Variants in ELP4 observed in about 807,000 individuals in gnomAD.
ELP4 encodes the protein elongator acetyltransferase complex subunit 4.
Under a neutral mutation model 48.9 loss-of-function variants are expected in ELP4, and 51 were observed. The ratio of observed to expected loss-of-function variants is 1.04; its 90% confidence interval spans 0.83 to 1.32. The LOEUF is 1.32. ELP4 is among the 40% of genes most tolerant of loss of function. ELP4 has a pLI of 0.00. For synonymous variants in ELP4, 210 were observed against 189.2 expected (o/e 1.11, Z -0.90); for missense variants, 519 against 514.6 (o/e 1.01, Z -0.08).
chr11:31,548,392 C>A (rs1032451728), intron 3 of ELP4, among the ~76,000 whole-genome samples: 1 of 151,032 alleles, frequency 6.6e-6, no homozygotes, highest in African/African-American at 2.4e-5. Flanking sequence ...ACAATTGCTT[C>A]AAAGAGAATA....
chr11:31,537,886 A>G (rs1260499580), intron 2 of ELP4, among the ~76,000 whole-genome samples: 1 of 152,190 alleles, frequency 6.6e-6, no homozygotes, highest in Non-Finnish European at 1.5e-5. Flanking sequence ...TGTAAATTTT[A>G]GAATTACCTT....
chr11:31,566,038 A>G (rs184466588), intron 3 of ELP4, among the ~76,000 whole-genome samples: 6 of 151,828 alleles, frequency 4.0e-5, no homozygotes, highest in Non-Finnish European at 1.5e-5. Context: ...TTGTGTTAAG[A>G]TTCATTTTCT....
At chr11:31,565,288 A>G (rs1389700678) in intron 3 of ELP4, among the ~76,000 whole-genome samples, 1 of 152,008 alleles carries the variant, frequency 6.6e-6, no homozygotes, top group African/African-American at 2.4e-5. Context: ...TTGTCAGATG[A>G]GTAGATTGCA....
At chr11:31,623,390 T>TATATATAAATATATATATAA (rs67986763) in intron 5 of ELP4, among the ~76,000 whole-genome samples, 58 of 92,576 alleles carry the variant, frequency 6.3e-4, no homozygotes, top group African/African-American at 1.3e-3. Context: ...TATATATATA[T>TATATATAAATATATATATAA]AAAACTAGAA....
rs1243902683 is a variant in ELP4, at chr11:31,719,869, A to G, written c.1144-63524A>G. 3 of 174,736 alleles carry G rather than the reference A, an allele frequency of 1.7e-5. No homozygotes were observed. The South Asian group carries it at 6.0e-4, about 35-fold the overall frequency. The allele number at this position is 174,736 out of a possible 1,614,324, so 10.8% of individuals were successfully genotyped here. A position where few individuals can be genotyped will look rare whatever the true frequency, so the allele number is the denominator to read the frequency against. On this transcript the variant is annotated intron_variant, in intron 9 of 9. Coordinates refer to ENST00000640961, the MANE Select transcript of ELP4 (RefSeq NM_019040.5). Reference sequence around the variant, plus strand: ...TAGAGAGGTGAAAAAGCAAGTGTAGAGAACGGTTACTTGTACAACCTAAGT... The same window carrying G: ...TAGAGAGGTGAAAAAGCAAGTGTAGGGAACGGTTACTTGTACAACCTAAGT...
intron 3 of ELP4, among the ~76,000 whole-genome samples, chr11:31,563,458 T>G (rs568540563): frequency 2.6e-5 from 4 of 152,118 alleles, no homozygotes; most frequent in Non-Finnish European, 5.9e-5. Flanking sequence ...AGAAAGAGCT[T>G]GGAATGAAAC....
chr11:31,537,088 T>C (rs866365107), intron 2 of ELP4, among the ~76,000 whole-genome samples: 2 of 152,190 alleles, frequency 1.3e-5, no homozygotes, highest in Admixed American at 6.5e-5. Context: ...CTTCTAATAG[T>C]TTTAATTATT....
chr11:31,762,449 T>G (rs1380397989), intron 9 of ELP4, among the ~76,000 whole-genome samples: 1 of 152,094 alleles, frequency 6.6e-6, no homozygotes, highest in East Asian at 1.9e-4. Flanking sequence ...AAATGTAAAT[T>G]TTTAAATTTT....
At chr11:31,755,324 G>C (rs2134245132) in intron 9 of ELP4, among the ~76,000 whole-genome samples, 1 of 152,272 alleles carries the variant, frequency 6.6e-6, no homozygotes, top group South Asian at 2.1e-4. Flanking sequence ...TTGCAGACAA[G>C]ATTCCTCAAA....
rs1472216150 is a variant in ELP4, at chr11:31,788,477, C to G, written c.*4953C>G. ...GGAGGGAGACAGAAAAGGGAGAGGG[C>G]CTATTTGAAAAAGGCAACAGCTTTC... On this transcript the variant is annotated 3_prime_UTR_variant, in exon 10 of 10. Coordinates refer to ENST00000640961, the MANE Select transcript of ELP4 (RefSeq NM_019040.5). 4.5e-6 allele frequency: 1 copy of G among 223,450 alleles called. No individual in the cohort carries two copies. Among genetic ancestry groups the G allele is most frequent in the Non-Finnish European group, 8.9e-6 (1 of 111,954 alleles). 13.8% of individuals were successfully genotyped at this position (223,450 alleles called of 1,614,324 possible). A position where few individuals can be genotyped will look rare whatever the true frequency, so the allele number is the denominator to read the frequency against.
chr11:31,764,167 G>A (rs974167268), intron 9 of ELP4, among the ~76,000 whole-genome samples: 3 of 152,090 alleles, frequency 2.0e-5, no homozygotes, highest in African/African-American at 7.2e-5. Context: ...ACAATATTGC[G>A]ATAATGTCTA....
At chr11:31,605,983 T>G (rs1957867971) in intron 5 of ELP4, among the ~76,000 whole-genome samples, 1 of 151,976 alleles carries the variant, frequency 6.6e-6, no homozygotes, top group Non-Finnish European at 1.5e-5. Flanking sequence ...GCAGTAAATG[T>G]ACACCCACCA....
intron 9 of ELP4, chr11:31,763,388 T>C: frequency 6.4e-7 from 1 of 1,570,462 alleles, no homozygotes; most frequent in Non-Finnish European, 8.6e-7. Flanking sequence ...ACTAACAAGT[T>C]GTGTCTCTTT....
intron 9 of ELP4, chr11:31,719,608 A>C: frequency 2.5e-6 from 1 of 396,896 alleles, no homozygotes; most frequent in Non-Finnish European, 4.4e-6. Context: ...GAAGAAAAAA[A>C]TGTTCTATGT....
intron 4 of ELP4, among the ~76,000 whole-genome samples, chr11:31,602,604 T>A (rs1333741870): frequency 6.6e-6 from 1 of 152,080 alleles, no homozygotes; most frequent in East Asian, 1.9e-4. Flanking sequence ...GACTTAAAAA[T>A]TTTTATTTCT....
At position 31,544,681 on chromosome 11, in the gene ELP4, G is replaced by A. The variant is rs1956665420; in HGVS notation, c.381+4898G>A. Among the ~76,000 whole-genome samples the A allele has an allele frequency of 4.6e-5, 7 of 152,206 alleles. No individual in the cohort carries two copies. In the South Asian group the frequency reaches 1.2e-3, roughly 27 times the overall value. On this transcript the variant is annotated intron_variant, in intron 3 of 9. Transcript: ENST00000640961. ...CCCAGCGCGCAGCTGGAGATCTGAG[G>A]ATGGGCAGACTGCCTCCTCAAGTGG...
chr11:31,771,168 A>G (rs531534926), intron 9 of ELP4, among the ~76,000 whole-genome samples: 7 of 152,304 alleles, frequency 4.6e-5, no homozygotes, highest in Admixed American at 3.9e-4. Flanking sequence ...TCTATTGGGC[A>G]GGCACGAGAT....
At position 31,516,521 on chromosome 11, in the gene ELP4, G is replaced by C. The variant is rs140403484; in HGVS notation, c.224-3535G>C. On this transcript the variant is annotated intron_variant, in intron 1 of 9. Coordinates refer to ENST00000640961, the MANE Select transcript of ELP4 (RefSeq NM_019040.5). ...TGATCCATTTGTTTGTTTGAGACTG[G>C]GTCTCACATTGTTACCCTGGCTGGA... 7.9e-5 allele frequency among the ~76,000 whole-genome samples: 12 copies of C among 152,240 alleles called. No individual in the cohort carries two copies. The East Asian group carries it at 2.3e-3, about 29-fold the overall frequency.
intron 3 of ELP4, among the ~76,000 whole-genome samples, chr11:31,558,676 G>A (rs1956967164): frequency 1.3e-5 from 2 of 152,066 alleles, no homozygotes; most frequent in African/African-American, 4.8e-5. Context: ...TACTTACCCT[G>A]CCTACCTTAT....
Sources: gnomAD v4.1 joint callset for allele counts (sites outside exome capture counted in the v4.1 genomes callset) on GRCh38, gnomAD v4.1.1 for gene constraint, MANE v1.5 for transcripts, NCBI Gene and HGNC (gene_info 2026-07-23, HGNC 2026-07-21) for gene names.